FDFT1: variants seen among roughly 807,000 people sequenced by gnomAD.
FDFT1 encodes farnesyl-diphosphate farnesyltransferase 1, also known as squalene synthase.
Under a neutral mutation model 46.8 loss-of-function variants are expected in FDFT1, and 68 were observed. The observed-to-expected ratio is 1.45, with a 90% CI of 1.19 to 1.78. FDFT1 has a LOEUF of 1.78. Ranked by LOEUF, FDFT1 falls within the 40% of genes most tolerant of loss-of-function variation. The pLI is 0.00. For synonymous variants in FDFT1, 351 were observed against 185.1 expected (o/e 1.90, Z -7.28); for missense variants, 928 against 524.4 (o/e 1.77, Z -7.52).
upstream of FDFT1, chr8:11,802,418 C>T (rs558909196): frequency 3.9e-5 from 18 of 458,134 alleles, no homozygotes; most frequent in East Asian, 5.5e-4. Flanking sequence ...CCCACCGCCT[C>T]ACCTCCAGTC....
chr8:11,795,979 T>C (rs1267567658), exon 1 of FDFT1: 1 of 152,228 alleles, frequency 6.6e-6, no homozygotes, highest in Admixed American at 6.5e-5. Flanking sequence ...AACCAACCAA[T>C]TCCGGACACA....
chr8:11,818,209 C>T (rs1465927983), intron 3 of FDFT1, among the ~76,000 whole-genome samples: 3 of 152,212 alleles, frequency 2.0e-5, no homozygotes, highest in East Asian at 1.9e-4. Context: ...AATTTGATTT[C>T]ACTGTGGTCT....
chr8:11,824,099 G>A (rs373488882), intron 4 of FDFT1, among the ~76,000 whole-genome samples: 3 of 152,284 alleles, frequency 2.0e-5, no homozygotes, highest in East Asian at 3.9e-4. Flanking sequence ...TTGGGCTCAA[G>A]CAGTCCCCTC....
intron 1 of FDFT1, among the ~76,000 whole-genome samples, chr8:11,805,592 G>T (rs565045985): frequency 1.3e-5 from 2 of 152,180 alleles, no homozygotes; most frequent in African/African-American, 4.8e-5. Context: ...GTAAAATAGG[G>T]ATGTATGTAT....
chr8:11,821,545 C>T (rs1001417739), intron 3 of FDFT1, among the ~76,000 whole-genome samples: 6 of 152,158 alleles, frequency 3.9e-5, no homozygotes, highest in African/African-American at 1.2e-4. Context: ...GAGCTGAGAT[C>T]GTGCCATTGC....
Position 11,831,540 on chromosome 8 carries a change from C to T in FDFT1, c.902C>T (p.Ala301Val). 1.2e-6 allele frequency: 2 copies of T among 1,614,092 alleles called. No homozygotes were observed. Among genetic ancestry groups the T allele is most frequent in the Non-Finnish European group, 1.7e-6 (2 of 1,179,958 alleles). The change falls in exon 7 of 8, where the codon GCT becomes GTT. Residue 301 changes from alanine to valine, a missense_variant. By Grantham distance (64) the Ala-to-Val change is moderately conservative (BLOSUM62 0). Coordinates refer to ENST00000220584, the MANE Select transcript of FDFT1 (RefSeq NM_004462.5). ...TAGGTGATGGCCATTGCCACTTTGG[C>T]TGCCTGTTATAATAACCAGCAGGTG... Reference protein sequence around the residue: ...IPQVMAIATLAACYNNQQVFK... With the variant: ...IPQVMAIATLVACYNNQQVFK...
chr8:11,807,345 T>G (rs1449222054), intron 1 of FDFT1, among the ~76,000 whole-genome samples: 5 of 150,512 alleles, frequency 3.3e-5, no homozygotes, highest in African/African-American at 1.2e-4. Context: ...AACTTTTTTA[T>G]GAACACGAGG....
Position 11,808,789 on chromosome 8 carries a change from C to T in FDFT1, c.100-5C>T, listed in dbSNP as rs570014211. 6 of 1,613,590 alleles carry T rather than the reference C, an allele frequency of 3.7e-6. No individual in the cohort carries two copies. Among genetic ancestry groups the T allele is most frequent in the South Asian group, 2.2e-5 (2 of 90,966 alleles). ...CCCACCGCCGTGTGTGTTGTCTGCC[C>T]GCAGGACTCGCTCAGCAGCAGCCTG... On this transcript the variant is annotated splice_polypyrimidine_tract_variant and splice_region_variant and intron_variant, in intron 1 of 7. Coordinates refer to ENST00000220584, the MANE Select transcript of FDFT1 (RefSeq NM_004462.5).
At chr8:11,798,779 C>G (rs935150037), upstream of FDFT1, among the ~76,000 whole-genome samples, 1 of 152,172 alleles carries the variant, frequency 6.6e-6, no homozygotes, top group African/African-American at 2.4e-5. Flanking sequence ...GTGCTGGGCA[C>G]TATTCCAGAT....
upstream of FDFT1, among the ~76,000 whole-genome samples, chr8:11,797,638 C>A (rs1416953564): frequency 7.8e-4 from 59 of 75,518 alleles, no homozygotes; most frequent in South Asian, 1.3e-3. Flanking sequence ...CACACACACT[C>A]AAAAAAAAAA....
chr8:11,819,321 G>A (rs995167546), intron 3 of FDFT1, among the ~76,000 whole-genome samples: 2 of 152,098 alleles, frequency 1.3e-5, no homozygotes, highest in South Asian at 4.1e-4. Flanking sequence ...TGACAATTAC[G>A]TATCTTGGGA....
upstream of FDFT1, chr8:11,802,633 C>T (rs1424992573): frequency 1.2e-5 from 7 of 594,518 alleles, no homozygotes; most frequent in East Asian, 2.9e-5. Flanking sequence ...TCAGCCCACC[C>T]CACGAGGCCG....
intron 1 of FDFT1, chr8:11,803,472 C>A (rs1372332028): frequency 7.9e-7 from 1 of 1,268,454 alleles, no homozygotes; most frequent in African/African-American, 1.5e-5. Context: ...TTCCAAGTTC[C>A]AATGAGTTAT....
Position 11,802,792 on chromosome 8 carries a change from G to C in FDFT1, c.-41G>C, listed in dbSNP as rs375451739. On this transcript the variant is annotated 5_prime_UTR_variant, in exon 1 of 8. Coordinates refer to ENST00000220584, the MANE Select transcript of FDFT1 (RefSeq NM_004462.5). ...GGCCGGTGAGCGCCTGGGGACCGCA[G>C]AGGTGAGAGTCGCGCCCGGGAGTCC... 4 of 1,513,150 alleles carry C rather than the reference G, an allele frequency of 2.6e-6. No individual in the cohort carries two copies. Among genetic ancestry groups the C allele is most frequent in the Non-Finnish European group, 3.6e-6 (4 of 1,100,350 alleles). 93.7% of individuals were successfully genotyped at this position (1,513,150 alleles called of 1,614,324 possible).
intron 7 of FDFT1, among the ~76,000 whole-genome samples, chr8:11,835,481 C>G (rs1468950504): frequency 6.6e-6 from 1 of 152,192 alleles, no homozygotes; most frequent in Non-Finnish European, 1.5e-5. Context: ...CGGGGACTGT[C>G]ACAACCAAGA....
chr8:11,805,096 T>C (rs1176623499), intron 1 of FDFT1, among the ~76,000 whole-genome samples: 1 of 151,312 alleles, frequency 6.6e-6, no homozygotes, highest in African/African-American at 2.4e-5. Flanking sequence ...TTAAATTTTT[T>C]TGTAGACACA....
Position 11,830,257 on chromosome 8 carries a change from A to C in FDFT1, c.716A>C (p.Tyr239Ser). The change falls in exon 6 of 8, where the codon TAT becomes TCT. Residue 239 changes from tyrosine to serine, a missense_variant. Transcript: ENST00000220584. Reference sequence around the variant, plus strand: ...TTATCTGTCTAGGTTTGGAGCAGGTATGTTAAGAAGTTAGGGGATTTTGCT... The same window carrying C: ...TTATCTGTCTAGGTTTGGAGCAGGTCTGTTAAGAAGTTAGGGGATTTTGCT... ...EFWPQEVWSRYVKKLGDFAKP... is the reference protein window; with the variant it reads ...EFWPQEVWSRSVKKLGDFAKP... 1 of 1,613,682 alleles carries C rather than the reference A, an allele frequency of 6.2e-7. No homozygotes were observed. Among genetic ancestry groups the C allele is most frequent in the Non-Finnish European group, 8.5e-7 (1 of 1,179,586 alleles).
chr8:11,809,601 T>G lies in FDFT1; in HGVS notation c.198-66T>G, dbSNP rs1807411217. The G allele has an allele frequency of 2.7e-6, 4 of 1,478,310 alleles. No homozygotes were observed. The African/African-American group carries it at 5.6e-5, about 21-fold the overall frequency. The allele number at this position is 1,478,310 out of a possible 1,614,324, so 91.6% of individuals were successfully genotyped here. The stretch of plus-strand genomic sequence containing the variant: ...GGTTTAGAAAGTGGCCAGGCACAAG[T>G]TATTTTAAAATAAAAAATCTTTGGC... On this transcript the variant is annotated intron_variant, in intron 2 of 7. Transcript: ENST00000220584.
chr8:11,838,734 T>C lies in FDFT1; in HGVS notation c.*125T>C. ...AATCCCTAAAAGAACGCTGTGTGGC[T>C]GGGACCTTTAGGAAAGTGAAATGCA... On this transcript the variant is annotated 3_prime_UTR_variant, in exon 8 of 8. Coordinates refer to ENST00000220584, the MANE Select transcript of FDFT1 (RefSeq NM_004462.5). 1.3e-6 allele frequency: 1 copy of C among 794,462 alleles called. No homozygotes were observed. 49.2% of individuals were successfully genotyped at this position (794,462 alleles called of 1,614,324 possible).
Sources: allele counts gnomAD v4.1 joint callset (sites outside exome capture counted in the v4.1 genomes callset), GRCh38; gene constraint gnomAD v4.1.1; transcripts MANE v1.5; gene names NCBI Gene and HGNC (gene_info 2026-07-23, HGNC 2026-07-21).